NPFFR2: variants seen among roughly 807,000 people sequenced by gnomAD.
The protein encoded by NPFFR2 is neuropeptide FF receptor 2.
A neutral mutation model predicts 13.1 loss-of-function variants in NPFFR2; 15 were observed. The ratio of observed to expected loss-of-function variants is 1.15; its 90% CI spans 0.77 to 1.76. NPFFR2 has a LOEUF of 1.76. Among genes scored for constraint, NPFFR2 ranks in the 40% most tolerant of loss-of-function variants. The probability of loss-of-function intolerance (pLI) is 0.00; values close to 1 mark genes in which losing one functional copy is unlikely to be tolerated. For missense variants in NPFFR2, 572 were observed against 503.5 expected, an observed-to-expected ratio of 1.14 and a Z score of -1.30; for synonymous variants, 190 against 175.7, an observed-to-expected ratio of 1.08 and a Z score of -0.65.
chr4:72,061,327 A>G (rs1233450703), intron 1 of NPFFR2, among the ~76,000 whole-genome samples: 1 of 152,188 alleles, frequency 6.6e-6, no homozygotes, highest in East Asian at 1.9e-4. Flanking sequence ...CCAGAACTAA[A>G]GAAGTTACTT....
intron 1 of NPFFR2, among the ~76,000 whole-genome samples, chr4:72,080,628 T>C (rs1720589656): frequency 6.6e-6 from 1 of 152,166 alleles, no homozygotes; most frequent in Non-Finnish European, 1.5e-5. Context: ...CAATTTCAGC[T>C]GAGATCCAAA....
intron 1 of NPFFR2, among the ~76,000 whole-genome samples, chr4:72,127,944 A>G (rs1437328293): frequency 6.6e-6 from 1 of 151,922 alleles, no homozygotes; most frequent in African/African-American, 2.4e-5. Context: ...GCTGGTCATG[A>G]TGGCGTGCAC....
chr4:72,105,862 T>G (rs1721404591), intron 1 of NPFFR2, among the ~76,000 whole-genome samples: 1 of 152,088 alleles, frequency 6.6e-6, no homozygotes, highest in African/African-American at 2.4e-5. Flanking sequence ...CGTTTGGGGT[T>G]TATCCTCCTA....
At chr4:72,114,659 C>G (rs1464146971) in intron 1 of NPFFR2, among the ~76,000 whole-genome samples, 1 of 152,020 alleles carries the variant, frequency 6.6e-6, no homozygotes, top group Non-Finnish European at 1.5e-5. Context: ...TTTTTCATCA[C>G]CTTATAACAC....
intron 1 of NPFFR2, among the ~76,000 whole-genome samples, chr4:72,092,638 T>A (rs1309850075): frequency 6.6e-6 from 1 of 152,174 alleles, no homozygotes; most frequent in Non-Finnish European, 1.5e-5. Flanking sequence ...GTTTGTTTTG[T>A]CTGGTATAGG....
chr4:72,137,049 A>G (rs1722439748), intron 2 of NPFFR2, among the ~76,000 whole-genome samples: 1 of 152,200 alleles, frequency 6.6e-6, no homozygotes, highest in African/African-American at 2.4e-5. Flanking sequence ...GACAAATAAT[A>G]CTATCATAAG....
chr4:72,143,425 C>T (rs1235087352), intron 3 of NPFFR2, among the ~76,000 whole-genome samples: 3 of 152,090 alleles, frequency 2.0e-5, no homozygotes, highest in Non-Finnish European at 4.4e-5. Context: ...TGTCCTAGCT[C>T]AAGCAATGAG....
chr4:72,049,374 G>C (rs1719475806), intron 1 of NPFFR2, among the ~76,000 whole-genome samples: 2 of 152,086 alleles, frequency 1.3e-5, no homozygotes. Flanking sequence ...ACTACATTCA[G>C]TGTGAACAAT....
intron 1 of NPFFR2, among the ~76,000 whole-genome samples, chr4:72,091,960 A>T (rs1284975984): frequency 1.3e-5 from 2 of 151,826 alleles, no homozygotes; most frequent in Non-Finnish European, 2.9e-5. Context: ...TGACTTTTTG[A>T]TGGAGGCATT....
At chr4:72,122,084 A>T (rs937710404) in intron 1 of NPFFR2, among the ~76,000 whole-genome samples, 12 of 152,268 alleles carry the variant, frequency 7.9e-5, no homozygotes, top group African/African-American at 2.2e-4. Flanking sequence ...AAAGCAAAAA[A>T]AAAAGCAGGG....
At chr4:72,091,131 A>G (rs190306543) in intron 1 of NPFFR2, among the ~76,000 whole-genome samples, 9 of 152,210 alleles carry the variant, frequency 5.9e-5, no homozygotes, top group African/African-American at 1.9e-4. Context: ...GTGGTGTATT[A>G]CATTTATGGA....
At chr4:72,072,934 T>C (rs758727566) in intron 1 of NPFFR2, among the ~76,000 whole-genome samples, 1 of 151,988 alleles carries the variant, frequency 6.6e-6, no homozygotes, top group Non-Finnish European at 1.5e-5. Context: ...TAGAAAAAAA[T>C]AGCAAAATGG....
At chr4:72,100,255 C>A (rs543929703) in intron 1 of NPFFR2, among the ~76,000 whole-genome samples, 2 of 151,960 alleles carry the variant, frequency 1.3e-5, no homozygotes, top group Admixed American at 6.6e-5. Flanking sequence ...CTGGCTAAGA[C>A]AAGAACTCAA....
At chr4:72,063,444 GC>G (rs767203593) in intron 1 of NPFFR2, among the ~76,000 whole-genome samples, 1 of 152,140 alleles carries the variant, frequency 6.6e-6, no homozygotes, top group Non-Finnish European at 1.5e-5. Context: ...AGGGAAGTCA[GC>G]TTCTAAAGAA....
intron 1 of NPFFR2, among the ~76,000 whole-genome samples, chr4:72,076,864 G>C (rs552421207): frequency 2.0e-5 from 3 of 152,126 alleles, no homozygotes; most frequent in African/African-American, 7.2e-5. Flanking sequence ...ATCATGAAAA[G>C]TAATTAAAGA....
rs574146030 is a variant in NPFFR2 at position 72,075,199 on chromosome 4, C to T, written c.-8+42999C>T. Reference sequence around the variant, plus strand: ...AAAAACATGAAAAGGTGAGACTGGCCTGGCCTACATCTTTCTACCATGCTG... The same window carrying T: ...AAAAACATGAAAAGGTGAGACTGGCTTGGCCTACATCTTTCTACCATGCTG... On this transcript the variant is annotated intron_variant, in intron 1 of 3. Transcript: ENST00000308744. Among the ~76,000 whole-genome samples, 5 of 152,210 alleles carry T rather than the reference C, an allele frequency of 3.3e-5. No homozygotes were observed. In the East Asian group the frequency reaches 9.7e-4, roughly 29 times the overall value.
At chr4:72,137,411 G>A (rs1722452287) in intron 2 of NPFFR2, among the ~76,000 whole-genome samples, 1 of 152,100 alleles carries the variant, frequency 6.6e-6, no homozygotes, top group Non-Finnish European at 1.5e-5. Flanking sequence ...AAACTTTACA[G>A]TAGCTAAGGT....
rs78184450 is a variant in NPFFR2, at chr4:72,117,267, C to G, written c.-7-11318C>G. On this transcript the variant is annotated intron_variant, in intron 1 of 3. Coordinates refer to ENST00000308744, the MANE Select transcript of NPFFR2 (RefSeq NM_004885.3). Reference sequence around the variant, plus strand: ...CGGCTGTCCTTCCAATTATCCCTTACAGTAGTCACTTAATTCCTTTTCTTT... The same window carrying G: ...CGGCTGTCCTTCCAATTATCCCTTAGAGTAGTCACTTAATTCCTTTTCTTT... Among the ~76,000 whole-genome samples the G allele has an allele frequency of 4.6e-5, 7 of 152,292 alleles. No individual in the cohort carries two copies. The East Asian group carries it at 1.4e-3, about 29-fold the overall frequency.
intron 1 of NPFFR2, among the ~76,000 whole-genome samples, chr4:72,093,820 C>CTT (rs1403221175): frequency 5.4e-5 from 7 of 129,508 alleles, no homozygotes; most frequent in East Asian, 2.2e-4. Context: ...CTTCTGAATT[C>CTT]TTTTTTTTTT....
Sources: allele counts gnomAD v4.1 joint callset (sites outside exome capture counted in the v4.1 genomes callset), GRCh38; gene constraint gnomAD v4.1.1; transcripts MANE v1.5; gene names NCBI Gene and HGNC (gene_info 2026-07-23, HGNC 2026-07-21).